Variants in ATXN3 observed in about 807,000 individuals in gnomAD.
ATXN3 encodes the protein ataxin 3, also known as ataxin-3.
Under a neutral mutation model 58.2 loss-of-function variants are expected in ATXN3, and 28 were observed. The observed-to-expected ratio is 0.48, with a 90% CI of 0.36 to 0.66. The LOEUF (loss-of-function observed/expected upper bound fraction) is 0.66. Among genes scored for constraint, ATXN3 ranks in the 30% least tolerant of loss-of-function variants. The pLI, the probability that ATXN3 is intolerant of heterozygous loss-of-function variation, is 0.00. For synonymous variants in ATXN3, 113 were observed against 138.5 expected, an observed-to-expected ratio of 0.82 and a Z score of 1.29; for missense variants, 321 against 422.1, an observed-to-expected ratio of 0.76 and a Z score of 2.10.
chr14:92,048,201 G>A (rs1338612208), intron 1 of ATXN3: 1 of 152,262 alleles, frequency 6.6e-6, no homozygotes, highest in East Asian at 1.9e-4. Context: ...AGTCCTGGAG[G>A]AATGCCTGGC....
intron 5 of ATXN3, among the ~76,000 whole-genome samples, chr14:92,092,096 T>C (rs1293448259): frequency 7.9e-5 from 11 of 140,006 alleles, no homozygotes; most frequent in Non-Finnish European, 6.2e-5. Flanking sequence ...CGTGCCTCTC[T>C]GTAACCCTCC....
At chr14:92,057,187 G>A (rs2057476494), downstream of ATXN3, among the ~76,000 whole-genome samples, 1 of 152,236 alleles carries the variant, frequency 6.6e-6, no homozygotes, top group African/African-American at 2.4e-5. Context: ...GGAGGCCAAG[G>A]CGGGTGGATC....
intron 5 of ATXN3, among the ~76,000 whole-genome samples, chr14:92,090,787 A>G (rs771915756): frequency 7.9e-5 from 12 of 152,202 alleles, no homozygotes; most frequent in South Asian, 2.1e-4. Flanking sequence ...TTAAAAATTC[A>G]GTGCTTACTT....
chr14:92,062,267 A>G lies in ATXN3; in HGVS notation c.*2053T>C, dbSNP rs2057831184. On this transcript the variant is annotated 3_prime_UTR_variant, in exon 11 of 11. Coordinates refer to ENST00000644486, the MANE Select transcript of ATXN3 (RefSeq NM_004993.6). ...GCAAGACTCCGTCTCAAAAAAAAAC[A>G]AAAACAAAAACAAAAACTCTCTAGG... 1 of 151,932 alleles carries G rather than the reference A, an allele frequency of 6.6e-6. No individual in the cohort carries two copies. Among genetic ancestry groups the G allele is most frequent in the Non-Finnish European group, 1.5e-5 (1 of 68,026 alleles). 9.4% of individuals were successfully genotyped at this position (151,932 alleles called of 1,614,324 possible). A position where few individuals can be genotyped will look rare whatever the true frequency, so the allele number is the denominator to read the frequency against.
At chr14:92,070,707 A>C (rs1729480283) in intron 10 of ATXN3, 3 of 1,205,690 alleles carry the variant, frequency 2.5e-6, no homozygotes, top group Admixed American at 5.8e-5. Flanking sequence ...TGGTTTCCCA[A>C]AGTGCTGGGA....
Position 92,096,687 on chromosome 14 carries a change from C to A in ATXN3, c.176G>T (p.Arg59Leu), listed in dbSNP as rs531719156. The change falls in exon 2 of 11, where the codon CGC becomes CTC. Residue 59 changes from arginine to leucine, a missense_variant. Transcript: ENST00000644486. ...TAAAATCAGTACCTGTAAAAACGTG[C>A]GATAATCTTCACTAGTAACTCCTCC... Reference protein sequence around the residue: ...AEGGVTSEDYRTFLQQPSGNM... With the variant: ...AEGGVTSEDYLTFLQQPSGNM... 1 of 1,611,944 alleles carries A rather than the reference C, an allele frequency of 6.2e-7. No individual in the cohort carries two copies.
chr14:92,067,261 CT>C (rs1473481334), intron 10 of ATXN3, among the ~76,000 whole-genome samples: 1 of 152,172 alleles, frequency 6.6e-6, no homozygotes, highest in African/African-American at 2.4e-5. Flanking sequence ...GTGTGAACTT[CT>C]TTGAGTTTAT....
chr14:92,067,553 C>T (rs557143758), intron 10 of ATXN3, among the ~76,000 whole-genome samples: 43 of 152,250 alleles, frequency 2.8e-4, no homozygotes, highest in East Asian at 2.1e-3. Context: ...TGTGCCACCA[C>T]GCCCAGCTAA....
chr14:92,081,197 C>A (rs1421926508), intron 8 of ATXN3, 136 bp from the exon 9 acceptor site: 1 of 584,624 alleles, frequency 1.7e-6, no homozygotes, highest in Admixed American at 2.8e-5. Flanking sequence ...TCTGGCTGGG[C>A]GTGGTGGCTC....
downstream of ATXN3, among the ~76,000 whole-genome samples, chr14:92,055,391 G>C (rs905120277): frequency 2.0e-5 from 3 of 152,118 alleles, no homozygotes; most frequent in African/African-American, 7.2e-5. This position sits in a 1 kb window ranked among gnomAD's most constrained non-coding sequence, Gnocchi z 4.5. Context: ...GTTGTTAAAT[G>C]GTTATACGGT....
intron 9 of ATXN3, among the ~76,000 whole-genome samples, chr14:92,077,810 A>C (rs1489991620): frequency 6.7e-6 from 1 of 150,262 alleles, no homozygotes; most frequent in Admixed American, 6.7e-5. Flanking sequence ...ATGCCCAACT[A>C]ATTTTTTTGT....
chr14:92,076,188 G>A (rs2060320534), intron 9 of ATXN3, among the ~76,000 whole-genome samples: 1 of 152,186 alleles, frequency 6.6e-6, no homozygotes, highest in Admixed American at 6.6e-5. Context: ...GCTCATGCCT[G>A]TAATCCCAGC....
chr14:92,047,413 T>G (rs2057432686), intron 2 of ATXN3, among the ~76,000 whole-genome samples: 1 of 152,224 alleles, frequency 6.6e-6, no homozygotes, highest in Non-Finnish European at 1.5e-5. Flanking sequence ...AGGCGAGTGA[T>G]AACAGGCTTC....
chr14:92,099,705 C>CA (rs1481255240), intron 1 of ATXN3, among the ~76,000 whole-genome samples: 7 of 151,926 alleles, frequency 4.6e-5, no homozygotes, highest in Admixed American at 1.3e-4. Flanking sequence ...CCCATTTCTA[C>CA]AAAAAATAAA....
downstream of ATXN3, among the ~76,000 whole-genome samples, chr14:92,056,855 C>T (rs1227712336): frequency 6.6e-6 from 1 of 152,166 alleles, no homozygotes; most frequent in Non-Finnish European, 1.5e-5. Flanking sequence ...ACCTACTAGG[C>T]TGCATTCCCA....
rs1193175263 is a variant in ATXN3, at chr14:92,064,393, T to A, written c.1013A>T (p.Asp338Val). ...CATGGTCACAGCTGCCTGAAGCATG[T>A]CTTCTTCACTCATAGCATCACCTGT... Reference protein sequence around the residue: ...SDLGDAMSEEDMLQAAVTMSL... With the variant: ...SDLGDAMSEEVMLQAAVTMSL... Residue 338 changes from aspartate (D) to valine (V), a missense_variant, in exon 11 of 11, where the codon GAC becomes GTC. Physicochemically the swap from Asp to Val is radical, Grantham distance 152. Coordinates refer to ENST00000644486, the MANE Select transcript of ATXN3 (RefSeq NM_004993.6). 1 of 1,612,758 alleles carries A rather than the reference T, an allele frequency of 6.2e-7. No homozygotes were observed. The highest frequency in any genetic ancestry group is 1.1e-5 in the South Asian group (1 of 90,782).
downstream of ATXN3, among the ~76,000 whole-genome samples, chr14:92,055,732 G>A (rs1189006423): frequency 1.3e-5 from 2 of 152,188 alleles, no homozygotes; most frequent in Non-Finnish European, 1.5e-5. The surrounding 1 kb of genome is among the most constrained non-coding windows in gnomAD (Gnocchi z 4.5). Flanking sequence ...AGGCCGAGGC[G>A]GGTGGATCAC....
At chr14:92,064,522 TTTTGA>T (rs2058027089) in intron 10 of ATXN3, 108 bp from the exon 11 acceptor site, 4 of 847,288 alleles carry the variant, frequency 4.7e-6, no homozygotes, top group Non-Finnish European at 7.6e-6. Context: ...GAGTTTCTTT[TTTTGA>T]TTTAATACAT....
At chr14:92,098,593 A>C (rs2065962373) in intron 1 of ATXN3, among the ~76,000 whole-genome samples, 1 of 152,186 alleles carries the variant, frequency 6.6e-6, no homozygotes, top group Non-Finnish European at 1.5e-5. Flanking sequence ...GTCTCCAAAA[A>C]TAAAAATAAA....
Sources: gnomAD v4.1 joint callset for allele counts (sites outside exome capture counted in the v4.1 genomes callset) on GRCh38, gnomAD v4.1.1 for gene constraint, Gnocchi (gnomAD v3.1) non-coding constraint, MANE v1.5 for transcripts, NCBI Gene and HGNC (gene_info 2026-07-23, HGNC 2026-07-21) for gene names.